KIR2DL1: variants seen among roughly 807,000 people sequenced by gnomAD.
KIR2DL1 encodes killer cell immunoglobulin like receptor, two Ig domains and long cytoplasmic tail 1.
Under a neutral mutation model 33.9 loss-of-function variants are expected in KIR2DL1, and 38 were observed. The observed-to-expected ratio is 1.12, with a 90% CI of 0.86 to 1.47. KIR2DL1 has a LOEUF of 1.47. Among genes scored for constraint, KIR2DL1 ranks in the 40% most tolerant of loss-of-function variants. The probability of loss-of-function intolerance (pLI) is 0.00; values close to 1 mark genes in which losing one functional copy is unlikely to be tolerated. For synonymous variants in KIR2DL1, 179 were observed against 165.9 expected, an observed-to-expected ratio of 1.08 and a Z score of -0.61; for missense variants, 531 against 433.9, an observed-to-expected ratio of 1.22 and a Z score of -1.99.
chr19:54,782,516 G>A (rs1012495254), intron 5 of KIR2DL1, among the ~76,000 whole-genome samples: 1 of 151,870 alleles, frequency 6.6e-6, no homozygotes, highest in African/African-American at 2.4e-5. Flanking sequence ...GAGGGGGAGT[G>A]ATGGAGCTTC....
At position 54,783,625 on chromosome 19, in the gene KIR2DL1, C is replaced by A; in HGVS notation, c.871-12C>A. ...GAGCACCCTCCCTCACTCAGCATTT[C>A]CCTCTCTCCAGGACTCTGATGAACA... On this transcript the variant is annotated splice_polypyrimidine_tract_variant and intron_variant, in intron 7 of 7. Coordinates refer to ENST00000336077, the MANE Select transcript of KIR2DL1 (RefSeq NM_014218.3). 1.9e-6 allele frequency: 3 copies of A among 1,613,992 alleles called. No homozygotes were observed. Among genetic ancestry groups the A allele is most frequent in the Non-Finnish European group, 2.5e-6 (3 of 1,179,962 alleles).
chr19:54,778,703 G>A (rs531067301), intron 5 of KIR2DL1, 41 bp downstream of exon 5: 4 of 1,463,616 alleles, frequency 2.7e-6, no homozygotes, highest in Admixed American at 1.8e-5. Flanking sequence ...TGGAACCCTG[G>A]GGAGGTGGGA....
rs879164409 is a variant in KIR2DL1, at chr19:54,783,109, C to T, written c.817+86C>T. 1.4e-4 allele frequency: 200 copies of T among 1,467,922 alleles called. 1 individual carries two copies. Among genetic ancestry groups the T allele is most frequent in the Middle Eastern group, 8.6e-4 (5 of 5,816 alleles). 90.9% of individuals were successfully genotyped at this position (1,467,922 alleles called of 1,614,324 possible). On this transcript the variant is annotated intron_variant, in intron 6 of 7. Coordinates refer to ENST00000336077, the MANE Select transcript of KIR2DL1 (RefSeq NM_014218.3). The stretch of plus-strand genomic sequence containing the variant: ...CACTCAGGTGTGTGTTCCTCACAAA[C>T]AGGATGGTCCCTGGCCCAAGGCAGC...
chr19:54,780,590 G>A (rs200877066), intron 5 of KIR2DL1, among the ~76,000 whole-genome samples: 1 of 140,064 alleles, frequency 7.1e-6, no homozygotes, highest in Non-Finnish European at 1.6e-5. Flanking sequence ...AAATAAGGGA[G>A]GCCCAGGTGC....
At position 54,784,138 on chromosome 19, in the gene KIR2DL1, A is replaced by C. The variant is rs559370976; in HGVS notation, c.*325A>C. On this transcript the variant is annotated 3_prime_UTR_variant, in exon 8 of 8. Coordinates refer to ENST00000336077, the MANE Select transcript of KIR2DL1 (RefSeq NM_014218.3). ...CTGCAATCACACTGAGGAACTCACA[A>C]TTCCAAACATACAAGAGGCTCCCTC... The C allele has an allele frequency of 3.3e-5, 17 of 520,250 alleles. No individual in the cohort carries two copies. Among genetic ancestry groups the C allele is most frequent in the African/African-American group, 2.7e-4 (14 of 52,482 alleles). 32.2% of individuals were successfully genotyped at this position (520,250 alleles called of 1,614,324 possible).
chr19:54,784,025 C>G lies in KIR2DL1; in HGVS notation c.*212C>G, dbSNP rs575851228. ...CACTGCCTGCTGGAGAAAAAACACA[C>G]TCCTTTGCTTAACCCACAGTTCTCC... is the stretch of plus-strand genomic sequence containing the variant. On this transcript the variant is annotated 3_prime_UTR_variant, in exon 8 of 8. Coordinates refer to ENST00000336077, the MANE Select transcript of KIR2DL1 (RefSeq NM_014218.3). 14 of 793,960 alleles carry G rather than the reference C, an allele frequency of 1.8e-5. No homozygotes were observed. In the East Asian group the frequency reaches 2.6e-4, roughly 15 times the overall value. 49.2% of individuals were successfully genotyped at this position (793,960 alleles called of 1,614,324 possible).
At position 54,783,755 on chromosome 19, in the gene KIR2DL1, T is replaced by G. The variant is rs755036637; in HGVS notation, c.989T>G (p.Ile330Ser). The G allele has an allele frequency of 2.5e-4, 409 of 1,613,198 alleles. 10 individuals carry two copies. The East Asian group carries it at 7.4e-3, about 29-fold the overall frequency. The change falls in exon 8 of 8, where the codon ATC (isoleucine) becomes AGC (serine). Residue 330 changes from isoleucine to serine, a missense_variant. Ile to Ser is a moderately radical substitution (Grantham distance 142). Coordinates refer to ENST00000336077, the MANE Select transcript of KIR2DL1 (RefSeq NM_014218.3). ...QRPKTPPTDI[I>S]VYTELPNAES... ...CCCAAGACACCCCCAACAGATATCA[T>G]CGTGTACACGGAACTTCCAAATGCT...
At chr19:54,780,471 G>A (rs534224456) in intron 5 of KIR2DL1, among the ~76,000 whole-genome samples, 5 of 141,828 alleles carry the variant, frequency 3.5e-5, no homozygotes, top group African/African-American at 1.3e-4. Context: ...AGCACACTGG[G>A]TACACAGGAA....
chr19:54,773,550 G>A lies in KIR2DL1; in HGVS notation c.288G>A (p.Gly96=), dbSNP rs765250428. 15 of 1,582,830 alleles carry A rather than the reference G, an allele frequency of 9.5e-6. No homozygotes were observed. Among genetic ancestry groups the A allele is most frequent in the African/African-American group, 1.4e-5 (1 of 74,020 alleles). Residue 96 remains glycine (G), a synonymous_variant, in exon 3 of 8, where the codon GGG becomes GGA. Transcript: ENST00000336077. The stretch of plus-strand genomic sequence containing the variant: ...GTCGCATGACGCAAGACCTGGCAGG[G>A]ACCTACAGATGCTACGGTTCTGTTA... The part of the protein sequence containing the change: ...SISRMTQDLA[G]TYRCYGSVTH...
chr19:54,778,381 T>A (rs528454000), intron 4 of KIR2DL1, among the ~76,000 whole-genome samples: 2 of 149,252 alleles, frequency 1.3e-5, no homozygotes, highest in East Asian at 1.9e-4. Flanking sequence ...TTACTACAGC[T>A]CTGTAACATA....
At chr19:54,783,241 C>T (rs1330965606) in intron 6 of KIR2DL1, among the ~76,000 whole-genome samples, 2 of 151,612 alleles carry the variant, frequency 1.3e-5, no homozygotes, top group Non-Finnish European at 2.9e-5. Context: ...TCCCCTGCAG[C>T]CACTCACATC....
In KIR2DL1 at chr19:54,783,637, G is replaced by C. The variant is rs534359450; in HGVS notation, c.871G>C (p.Asp291His). Residue 291 changes from aspartate (D) to histidine (H), a missense_variant and splice_region_variant, in exon 8 of 8, where the codon GAC (aspartate) becomes CAC (histidine). Coordinates refer to ENST00000336077, the MANE Select transcript of KIR2DL1 (RefSeq NM_014218.3). ...SAGNRTANSE[D>H]SDEQDPQEVT... ...TCACTCAGCATTTCCCTCTCTCCAG[G>C]ACTCTGATGAACAAGACCCTCAGGA... The C allele has an allele frequency of 6.2e-7, 1 of 1,613,942 alleles. No homozygotes were observed. Among genetic ancestry groups the C allele is most frequent in the Non-Finnish European group, 8.5e-7 (1 of 1,179,948 alleles).
rs767404114 is a variant in KIR2DL1 at position 54,782,970 on chromosome 19, T to A, written c.764T>A (p.Ile255Asn). ...CTGATTGGGACCTCAGTGGTCATCATCCTCTTCATCCTCCTCTTCTTTCTC... is the reference window on the plus strand; with the variant it reads ...CTGATTGGGACCTCAGTGGTCATCAACCTCTTCATCCTCCTCTTCTTTCTC... ...HILIGTSVVI[I>N]LFILLFFLLH... The change falls in exon 6 of 8, where the codon ATC becomes AAC. Residue 255 changes from isoleucine to asparagine, a missense_variant. By Grantham distance (149) the Ile-to-Asn change is moderately radical (BLOSUM62 -3). Coordinates refer to ENST00000336077, the MANE Select transcript of KIR2DL1 (RefSeq NM_014218.3). The A allele has an allele frequency of 3.7e-6, 6 of 1,613,418 alleles. No homozygotes were observed. In the Admixed American group the frequency reaches 6.7e-5, roughly 18 times the overall value.
chr19:54,782,829 T>A (rs1362717977), intron 5 of KIR2DL1, 93 bp from the exon 6 acceptor site: 5 of 1,408,334 alleles, frequency 3.6e-6, no homozygotes, highest in Non-Finnish European at 5.0e-6. Flanking sequence ...AAGAGGTGTT[T>A]TATGTGGTTA....
At position 54,775,392 on chromosome 19, in the gene KIR2DL1, G is replaced by T. The variant is rs111277046; in HGVS notation, c.598G>T (p.Gly200Cys). The change falls in exon 4 of 8, where the codon GGC becomes TGC. Residue 200 changes from glycine to cysteine, a missense_variant. Coordinates refer to ENST00000336077, the MANE Select transcript of KIR2DL1 (RefSeq NM_014218.3). ...CCACGGAGGGACCTACAGATGCTTC[G>T]GCTCTTTCCATGACTCTCCATACGA... is the stretch of plus-strand genomic sequence containing the variant. ...ATHGGTYRCF[G>C]SFHDSPYEWS... 2 of 1,583,418 alleles carry T rather than the reference G, an allele frequency of 1.3e-6. No homozygotes were observed. Among genetic ancestry groups the T allele is most frequent in the African/African-American group, 2.7e-5 (2 of 73,774 alleles).
Position 54,773,608 on chromosome 19 carries a change from G to A in KIR2DL1, c.346G>A (p.Asp116Asn). ...HSPYQVSAPS[D>N]PLDIVIIGLY... ...CCCCTATCAGGTGTCAGCTCCCAGT[G>A]ACCCTCTGGACATCGTGATCATAGG... Residue 116 changes from aspartate to asparagine, a missense_variant, in exon 3 of 8, where the codon GAC (aspartate) becomes AAC (asparagine). Coordinates refer to ENST00000336077, the MANE Select transcript of KIR2DL1 (RefSeq NM_014218.3). The A allele has an allele frequency of 6.3e-7, 1 of 1,576,820 alleles. No individual in the cohort carries two copies. Among genetic ancestry groups the A allele is most frequent in the Non-Finnish European group, 8.7e-7 (1 of 1,150,944 alleles).
chr19:54,773,375 T>C lies in KIR2DL1; in HGVS notation c.113T>C (p.Leu38Pro). The change falls in exon 3 of 8, where the codon CTG becomes CCG. Residue 38 changes from leucine (L) to proline (P), a missense_variant. Physicochemically the swap from Leu to Pro is moderately conservative, Grantham distance 98 (BLOSUM62 -3). Transcript: ENST00000336077. ...TCCCTCCTGGCCCACCCAGGTCGCCTGGTGAAATCAGAAGAGACAGTCATC... is the reference window on the plus strand; with the variant it reads ...TCCCTCCTGGCCCACCCAGGTCGCCCGGTGAAATCAGAAGAGACAGTCATC... ...KPSLLAHPGRLVKSEETVILQ... is the reference protein window; with the variant it reads ...KPSLLAHPGRPVKSEETVILQ... The C allele has an allele frequency of 6.3e-7, 1 of 1,599,602 alleles. No individual in the cohort carries two copies. Among genetic ancestry groups the C allele is most frequent in the African/African-American group, 1.4e-5 (1 of 74,020 alleles).
At chr19:54,779,059 A>G (rs1056316821) in intron 5 of KIR2DL1, among the ~76,000 whole-genome samples, 1 of 146,974 alleles carries the variant, frequency 6.8e-6, no homozygotes, top group South Asian at 2.1e-4. Flanking sequence ...GAGCTCCTGT[A>G]GGTCATGAAG....
chr19:54,782,830 T>C, intron 5 of KIR2DL1, 92 bp from the exon 6 acceptor site: 2 of 1,419,668 alleles, frequency 1.4e-6, no homozygotes, highest in Non-Finnish European at 2.0e-6. Flanking sequence ...AGAGGTGTTT[T>C]ATGTGGTTAC....
Sources: gnomAD v4.1 joint callset for allele counts (sites outside exome capture counted in the v4.1 genomes callset) on GRCh38, gnomAD v4.1.1 for gene constraint, MANE v1.5 for transcripts, NCBI Gene and HGNC (gene_info 2026-07-23, HGNC 2026-07-21) for gene names.